The following TSFM variants were observed in gnomAD, a reference collection of about 807,000 sequenced individuals.
TSFM encodes Ts translation elongation factor, mitochondrial.
A neutral mutation model predicts 33.4 loss-of-function variants in TSFM; 29 were observed. That is an observed-to-expected ratio of 0.87 (90% CI 0.65 to 1.18). TSFM has a LOEUF of 1.18. TSFM is among the 50% of genes most tolerant of loss of function. The pLI is 0.00. For missense variants in TSFM, 394 were observed against 395.6 expected (o/e 1.00, Z 0.04); for synonymous variants, 178 against 163.5 (o/e 1.09, Z -0.68).
At chr12:57,791,193 A>G (rs929472258) in intron 4 of TSFM, among the ~76,000 whole-genome samples, 1 of 151,760 alleles carries the variant, frequency 6.6e-6, no homozygotes, top group Non-Finnish European at 1.5e-5. Flanking sequence ...TATTTTTAGT[A>G]GAAATGGGGT....
chr12:57,786,400 A>G (rs1955591749), intron 3 of TSFM, 109 bp downstream of exon 3: 1 of 1,334,350 alleles, frequency 7.5e-7, no homozygotes, highest in African/African-American at 1.5e-5. Context: ...TTTAAGAACC[A>G]TAAAGCGTAG....
chr12:57,797,383 A>C lies in TSFM; in HGVS notation c.*800A>C, dbSNP rs568113109. The C allele has an allele frequency of 9.1e-6, 9 of 985,314 alleles. No homozygotes were observed. Among genetic ancestry groups the C allele is most frequent in the Non-Finnish European group, 1.1e-5 (9 of 829,924 alleles). 61.0% of individuals were successfully genotyped at this position (985,314 alleles called of 1,614,324 possible). On this transcript the variant is annotated 3_prime_UTR_variant, in exon 6 of 6. Coordinates refer to ENST00000652027, the MANE Select transcript of TSFM (RefSeq NM_005726.6). ...ATACTGAAAATAACTCCATTTGTTC[A>C]TTATAGGTATCTTTATTTGAAAAGT...
In TSFM at chr12:57,785,773, A is replaced by G. The variant is rs146163080; in HGVS notation, c.232-390A>G. 3.9e-3 allele frequency among the ~76,000 whole-genome samples: 587 copies of G among 152,350 alleles called. 4 individuals are homozygous for G. Among genetic ancestry groups the G allele is most frequent in the African/African-American group, 0.013 (545 of 41,580 alleles). Reference sequence around the variant, plus strand: ...TTTTCTTTACACTAGCATTGCCACAAACATGTAGGTAATATGTTGCCCTAC... The same window carrying G: ...TTTTCTTTACACTAGCATTGCCACAGACATGTAGGTAATATGTTGCCCTAC... On this transcript the variant is annotated intron_variant, in intron 2 of 5. Coordinates refer to ENST00000652027, the MANE Select transcript of TSFM (RefSeq NM_005726.6).
At chr12:57,798,365 C>T (rs1424789115), downstream of TSFM, among the ~76,000 whole-genome samples, 1 of 152,142 alleles carries the variant, frequency 6.6e-6, no homozygotes, top group East Asian at 1.9e-4. Flanking sequence ...CCGTAACTAC[C>T]ATTTTTACCC....
At chr12:57,789,166 T>C (rs931965979) in intron 4 of TSFM, among the ~76,000 whole-genome samples, 6 of 152,094 alleles carry the variant, frequency 3.9e-5, no homozygotes, top group African/African-American at 7.2e-5. Context: ...AGTTTCACCA[T>C]GTTGGCCAGG....
At chr12:57,794,574 G>T (rs1955705797) in intron 5 of TSFM, among the ~76,000 whole-genome samples, 1 of 152,184 alleles carries the variant, frequency 6.6e-6, no homozygotes, top group Non-Finnish European at 1.5e-5. Flanking sequence ...GGAGTTGTCT[G>T]TGTCAGTTAT....
downstream of TSFM, chr12:57,802,137 G>A (rs745336685): frequency 1.2e-5 from 20 of 1,611,238 alleles, no homozygotes; most frequent in African/African-American, 2.5e-4. Context: ...GGAAGTTAGA[G>A]CTTCCCTACT....
intron 1 of TSFM, 55 bp downstream of exon 1, chr12:57,782,913 C>CCTGT: frequency 6.5e-7 from 1 of 1,540,216 alleles, no homozygotes; most frequent in Non-Finnish European, 8.8e-7. Flanking sequence ...CTCCTGTGCG[C>CCTGT]CTGTACCTTT....
chr12:57,794,225 C>G (rs1378375170), intron 5 of TSFM, among the ~76,000 whole-genome samples: 2 of 152,204 alleles, frequency 1.3e-5, no homozygotes, highest in African/African-American at 4.8e-5. Context: ...TGGGAATTAA[C>G]TATTGGGTAT....
intron 4 of TSFM, among the ~76,000 whole-genome samples, chr12:57,791,609 C>T (rs1367098064): frequency 6.6e-6 from 1 of 152,180 alleles, no homozygotes; most frequent in Non-Finnish European, 1.5e-5. Flanking sequence ...CCTGGAAATA[C>T]TCCATAGCAA....
Position 57,797,529 on chromosome 12 carries a change from C to G in TSFM, c.*946C>G. The stretch of plus-strand genomic sequence containing the variant: ...GAAATAATCATCTTAAAATTGAAAA[C>G]AAAGGTAGGTCCTGGTATAATATTA... On this transcript the variant is annotated 3_prime_UTR_variant, in exon 6 of 6. Transcript: ENST00000652027. 1.1e-6 allele frequency: 1 copy of G among 948,494 alleles called. No homozygotes were observed. The highest frequency in any genetic ancestry group is 1.3e-6 in the Non-Finnish European group (1 of 796,078). 58.8% of individuals were successfully genotyped at this position (948,494 alleles called of 1,614,324 possible).
rs1175390548 is a variant in TSFM, at chr12:57,787,029, T to G, written c.361-11T>G. On this transcript the variant is annotated splice_polypyrimidine_tract_variant and intron_variant, in intron 3 of 5. Transcript: ENST00000652027. Reference sequence around the variant, plus strand: ...AACAGCTTATACAGCTATATCAATTTGTTCCCACAGGTAAACTGTGAGACA... The same window carrying G: ...AACAGCTTATACAGCTATATCAATTGGTTCCCACAGGTAAACTGTGAGACA... 2 of 1,612,832 alleles carry G rather than the reference T, an allele frequency of 1.2e-6. No individual in the cohort carries two copies. Among genetic ancestry groups the G allele is most frequent in the East Asian group, 2.2e-5 (1 of 44,878 alleles).
chr12:57,782,833 T>C lies in TSFM; in HGVS notation c.32T>C (p.Leu11Pro). The change falls in exon 1 of 6, where the codon CTG (leucine) becomes CCG (proline). Residue 11 changes from leucine (L) to proline (P), a missense_variant. By Grantham distance (98) the Leu-to-Pro change is moderately conservative (BLOSUM62 -3). Transcript: ENST00000652027. ...CTGCTGCGGTCGCTGCGCGTGTTTC[T>C]GGTCGCGCGGACCGGGAGCTACCCG... MSLLRSLRVF[L>P]VARTGSYPAG... The C allele has an allele frequency of 6.3e-7, 1 of 1,596,494 alleles. No individual in the cohort carries two copies.
chr12:57,802,418 T>G, downstream of TSFM: 1 of 1,488,760 alleles, frequency 6.7e-7, no homozygotes, highest in Non-Finnish European at 9.1e-7. Context: ...TCATACACAT[T>G]ACCCTATCTT....
chr12:57,795,430 A>G (rs147448917), intron 5 of TSFM, among the ~76,000 whole-genome samples: 2 of 152,110 alleles, frequency 1.3e-5, no homozygotes, highest in African/African-American at 2.4e-5. Context: ...TTTCTCCCCA[A>G]AACCCTGAAA....
chr12:57,782,961 C>G, intron 1 of TSFM, 103 bp downstream of exon 1: 1 of 1,475,902 alleles, frequency 6.8e-7, no homozygotes, highest in Non-Finnish European at 9.1e-7. Context: ...ATCTCACCTT[C>G]CCCGACAGCA....
At position 57,796,801 on chromosome 12, in the gene TSFM, G is replaced by A; in HGVS notation, c.*218G>A. On this transcript the variant is annotated 3_prime_UTR_variant, in exon 6 of 6. Coordinates refer to ENST00000652027, the MANE Select transcript of TSFM (RefSeq NM_005726.6). ...AGGTGGGCCTTATTGACGTGATAGT[G>A]TCGTGGAGAACAGGCATCAACAATA... The A allele has an allele frequency of 8.4e-7, 1 of 1,187,740 alleles. No individual in the cohort carries two copies. 73.6% of individuals were successfully genotyped at this position (1,187,740 alleles called of 1,614,324 possible). A position where few individuals can be genotyped will look rare whatever the true frequency, so the allele number is the denominator to read the frequency against.
Position 57,796,277 on chromosome 12 carries a change from C to T in TSFM, c.672C>T (p.Pro224=), listed in dbSNP as rs1429113304. ...GSYVHGAMQS[P]SLHKLVLGKY... Reference sequence around the variant, plus strand: ...ATGTCCACGGAGCAATGCAGAGTCCCTCACTTCACAAGCTGGTGCTGGGGA... The same window carrying T: ...ATGTCCACGGAGCAATGCAGAGTCCTTCACTTCACAAGCTGGTGCTGGGGA... Residue 224 remains proline (P), a synonymous_variant, in exon 6 of 6, where the codon CCC becomes CCT. Transcript: ENST00000652027. 1 of 1,612,810 alleles carries T rather than the reference C, an allele frequency of 6.2e-7. No individual in the cohort carries two copies. Among genetic ancestry groups the T allele is most frequent in the Non-Finnish European group, 8.5e-7 (1 of 1,179,380 alleles).
rs769354645 is a variant in TSFM at position 57,783,206 on chromosome 12, A to C, written c.154A>C (p.Lys52Gln). The C allele has an allele frequency of 6.2e-7, 1 of 1,613,784 alleles. No individual in the cohort carries two copies. The highest frequency in any genetic ancestry group is 8.5e-7 in the Non-Finnish European group (1 of 1,179,894). The change falls in exon 2 of 6, where the codon AAG becomes CAG. Residue 52 changes from lysine (K) to glutamine (Q), a missense_variant. By Grantham distance (53) the Lys-to-Gln change is moderately conservative (BLOSUM62 1). This residue lies in a region of TSFM where 208 missense variants were observed against 180.4 expected (regional missense o/e 1.15). Coordinates refer to ENST00000652027, the MANE Select transcript of TSFM (RefSeq NM_005726.6). ...ASASSKELLM[K>Q]LRRKTGYSFV... ...GGCCTCCAGCAAGGAGCTCCTCATG[A>C]AGCTGCGGCGGAAAACAGGCTACTC...
Sources: allele counts gnomAD v4.1 joint callset (sites outside exome capture counted in the v4.1 genomes callset), GRCh38; gene constraint gnomAD v4.1.1; regional missense constraint gnomAD v4.1.1; transcripts MANE v1.5; gene names NCBI Gene and HGNC (gene_info 2026-07-23, HGNC 2026-07-21).